NBPF26: variants seen among roughly 807,000 people sequenced by gnomAD.
NBPF26 encodes NBPF member 26, also known as NBPF family member NBPF26.
In NBPF26, 79 loss-of-function variants were observed where a neutral mutation model predicts 119.6. That is an observed-to-expected ratio of 0.66 (90% CI 0.55 to 0.80). NBPF26 has a LOEUF of 0.80. NBPF26 is among the 30% of genes least tolerant of loss of function. The pLI, the probability that NBPF26 is intolerant of heterozygous loss-of-function variation, is 0.00. For synonymous variants in NBPF26, 299 were observed against 457.7 expected (o/e 0.65, Z 4.43); for missense variants, 800 against 1,198.2 (o/e 0.67, Z 4.91).
At chr1:120,780,156 A>G (rs1346750840) in intron 2 of NBPF26, among the ~76,000 whole-genome samples, 1 of 115,110 alleles carries the variant, frequency 8.7e-6, no homozygotes, top group Non-Finnish European at 1.7e-5. Flanking sequence ...TCAGGTATTC[A>G]GGGAACCTAC....
intron 2 of NBPF26, among the ~76,000 whole-genome samples, chr1:120,765,676 C>G (rs1651182968): frequency 1.0e-5 from 1 of 98,672 alleles, no homozygotes; most frequent in African/African-American, 5.1e-5. Context: ...AGGACACATG[C>G]ACATGTGTGT....
In NBPF26 at chr1:120,805,389, C is replaced by T. The variant is rs1317255836; in HGVS notation, c.752-167C>T. 1.1e-5 allele frequency: 12 copies of T among 1,131,732 alleles called. 1 individual carries two copies. The Admixed American group carries it at 1.4e-4, about 14-fold the overall frequency. The allele number at this position is 1,131,732 out of a possible 1,614,324, so 70.1% of individuals were successfully genotyped here. On this transcript the variant is annotated intron_variant, in intron 4 of 29. Transcript: ENST00000620612. ...CTTTCAGCTCTGAGTTGAGGCACCT[C>T]GAACCTTGTTTTTGTGGTGAAGGAT...
At chr1:120,807,943 T>G (rs1176791689) in intron 6 of NBPF26, among the ~76,000 whole-genome samples, 7,472 of 119,352 alleles carry the variant, frequency 0.063, 1,868 homozygotes, top group African/African-American at 0.23. Context: ...TAATTGTTGA[T>G]GTGAAATTTA....
intron 1 of NBPF26, among the ~76,000 whole-genome samples, chr1:120,730,825 G>A (rs1340741555): frequency 2.7e-5 from 1 of 37,590 alleles, no homozygotes; most frequent in Non-Finnish European, 4.4e-5. Flanking sequence ...TGCTGTCTTA[G>A]TGGTGTATTG....
At position 120,790,791 on chromosome 1, in the gene NBPF26, C is replaced by T. The variant is rs1216316307; in HGVS notation, c.416-2370C>T. The stretch of plus-strand genomic sequence containing the variant: ...ATTTTTGTATTTTTAGAAAAGATGG[C>T]GTTTCACCATGTTGGCCAGGCTGGT... On this transcript the variant is annotated intron_variant, in intron 3 of 29. Coordinates refer to ENST00000620612, the Ensembl canonical transcript of NBPF26. 9.4e-5 allele frequency among the ~76,000 whole-genome samples: 10 copies of T among 106,164 alleles called. 2 individuals are homozygous for T. Among genetic ancestry groups the T allele is most frequent in the Admixed American group, 4.7e-4 (5 of 10,698 alleles). 69.6% of individuals were successfully genotyped at this position (106,164 alleles called of 152,430 possible).
At chr1:120,833,389 C>G (rs1387112734) in intron 23 of NBPF26, among the ~76,000 whole-genome samples, 18 of 86,464 alleles carry the variant, frequency 2.1e-4, no homozygotes, top group Non-Finnish European at 2.9e-4. Context: ...GTCTCTCTCT[C>G]TGTCTCTGTC....
In NBPF26 at chr1:120,727,872, A is replaced by G. The variant is rs1409994196; in HGVS notation, c.73+3622A>G. 5.8e-4 allele frequency among the ~76,000 whole-genome samples: 68 copies of G among 117,416 alleles called. 12 individuals are homozygous for G. The highest frequency in any genetic ancestry group is 9.6e-4 in the Non-Finnish European group (58 of 60,650). The allele number at this position is 117,416 out of a possible 152,430, so 77.0% of individuals were successfully genotyped here. ...TCTTTTCTTTCTTTGTCAGCCTACC[A>G]TATGTGTAGTATTTTGGACAGATCA... On this transcript the variant is annotated intron_variant, in intron 1 of 29. Transcript: ENST00000620612.
At position 120,784,755 on chromosome 1, in the gene NBPF26, G is replaced by A. The variant is rs1210560859; in HGVS notation, c.156-219G>A. Reference sequence around the variant, plus strand: ...CTATTAGAATGTAAACTCCAAGAGTGTAAGAATTTTTCTGCCAGGACTCAA... The same window carrying A: ...CTATTAGAATGTAAACTCCAAGAGTATAAGAATTTTTCTGCCAGGACTCAA... On this transcript the variant is annotated intron_variant, in intron 2 of 29. Transcript: ENST00000620612. 2.5e-5 allele frequency among the ~76,000 whole-genome samples: 3 copies of A among 118,242 alleles called. 1 individual carries two copies. The highest frequency in any genetic ancestry group is 4.9e-5 in the Non-Finnish European group (3 of 61,446). 77.6% of individuals were successfully genotyped at this position (118,242 alleles called of 152,430 possible).
chr1:120,813,067 G>C (rs1269794964), intron 10 of NBPF26, among the ~76,000 whole-genome samples: 1 of 119,290 alleles, frequency 8.4e-6, no homozygotes, highest in Non-Finnish European at 1.6e-5. Context: ...ACCCGAGAAT[G>C]TGTGGAGATA....
rs1553271054 is a variant in NBPF26 at position 120,811,995 on chromosome 1, C to T, written c.1674C>T (p.Arg558=). 3.0e-4 allele frequency: 380 copies of T among 1,266,652 alleles called. 133 individuals carry two copies. The African/African-American group carries it at 7.5e-3, about 25-fold the overall frequency. The allele number at this position is 1,266,652 out of a possible 1,614,324, so 78.5% of individuals were successfully genotyped here. ...TTCTAGAAATCAATGAGAAATTGCGCCCCCAGCTGGCAGAGAAGAAACAGC... is the reference window on the plus strand; with the variant it reads ...TTCTAGAAATCAATGAGAAATTGCGTCCCCAGCTGGCAGAGAAGAAACAGC... The change falls in exon 10 of 30, where the codon CGC becomes CGT. Residue 558 remains arginine (R), a synonymous_variant. Transcript: ENST00000620612.
Position 120,793,814 on chromosome 1 carries a change from A to G in NBPF26, c.751+318A>G. 7 of 954,994 alleles carry G rather than the reference A, an allele frequency of 7.3e-6. 2 individuals are homozygous for G. Among genetic ancestry groups the G allele is most frequent in the South Asian group, 5.5e-5 (4 of 72,602 alleles). 59.2% of individuals were successfully genotyped at this position (954,994 alleles called of 1,614,324 possible). On this transcript the variant is annotated intron_variant, in intron 4 of 29. Coordinates refer to ENST00000620612, the Ensembl canonical transcript of NBPF26. ...AGGCAAGTCTGGAATGGAAAAGAAC[A>G]CGATGAGAATTAGACACTGGAAAAT...
At position 120,805,287 on chromosome 1, in the gene NBPF26, T is replaced by C. The variant is rs1571032925; in HGVS notation, c.752-269T>C. ...ACACCCCCACCTTCTAATTCTGTTATTGCAACTGCAGACGGTTACCTGGCA... is the reference window on the plus strand; with the variant it reads ...ACACCCCCACCTTCTAATTCTGTTACTGCAACTGCAGACGGTTACCTGGCA... On this transcript the variant is annotated intron_variant, in intron 4 of 29. Transcript: ENST00000620612. 8.6e-6 allele frequency: 9 copies of C among 1,050,058 alleles called. 1 individual carries two copies. Among genetic ancestry groups the C allele is most frequent in the Middle Eastern group, 2.9e-4 (1 of 3,414 alleles). 65.0% of individuals were successfully genotyped at this position (1,050,058 alleles called of 1,614,324 possible). A position where few individuals can be genotyped will look rare whatever the true frequency, so the allele number is the denominator to read the frequency against.
intron 1 of NBPF26, among the ~76,000 whole-genome samples, chr1:120,730,721 T>G (rs1429090686): frequency 0.67 from 39,647 of 59,502 alleles, 16,365 homozygotes; most frequent in African/African-American, 0.72. Context: ...AGGAATTATT[T>G]TATTAATTTG....
In NBPF26 at chr1:120,723,958, G is replaced by A. The variant is rs1379616685; in HGVS notation, c.-220G>A. The A allele has an allele frequency of 3.5e-6, 3 of 846,422 alleles. No homozygotes were observed. The East Asian group carries it at 1.0e-4, about 29-fold the overall frequency. 52.4% of individuals were successfully genotyped at this position (846,422 alleles called of 1,614,324 possible). Reference sequence around the variant, plus strand: ...CGAGAAAGTTTCAGCCAAACTTCCGGCGGCGGCTGAGGCGGCGGCCGAGGA... The same window carrying A: ...CGAGAAAGTTTCAGCCAAACTTCCGACGGCGGCTGAGGCGGCGGCCGAGGA... On this transcript the variant is annotated 5_prime_UTR_variant, in exon 1 of 30. Coordinates refer to ENST00000620612, the Ensembl canonical transcript of NBPF26.
intron 1 of NBPF26, among the ~76,000 whole-genome samples, chr1:120,752,552 A>ACTTTTT (rs1651031764): frequency 1.1e-4 from 1 of 8,976 alleles, no homozygotes; most frequent in African/African-American, 6.9e-4. Context: ...ATATATATAT[A>ACTTTTT]TATTTTTTTT....
chr1:120,777,714 G>C (rs1651314520), intron 2 of NBPF26, among the ~76,000 whole-genome samples: 1 of 83,516 alleles, frequency 1.2e-5, no homozygotes, highest in Non-Finnish European at 2.1e-5. Context: ...GCAAGAAGTA[G>C]TATGACAGAG....
chr1:120,825,314 C>CTCTG (rs1385510953), intron 18 of NBPF26, among the ~76,000 whole-genome samples, 200 bp from the exon 20 acceptor site: 3 of 122,416 alleles, frequency 2.5e-5, no homozygotes, highest in African/African-American at 9.2e-5. Flanking sequence ...CTCTCTCTCT[C>CTCTG]CCTCTCCCTG....
At chr1:120,764,233 C>A (rs1156736978) in intron 2 of NBPF26, among the ~76,000 whole-genome samples, 4 of 113,758 alleles carry the variant, frequency 3.5e-5, no homozygotes, top group Non-Finnish European at 6.7e-5. Context: ...GGTGACAGAG[C>A]AAGACTCCGT....
intron 1 of NBPF26, among the ~76,000 whole-genome samples, chr1:120,762,645 GTTTC>G (rs1239451046): frequency 2.8e-5 from 1 of 35,554 alleles, no homozygotes; most frequent in East Asian, 5.7e-4. Context: ...GTTTGACTAG[GTTTC>G]TTTCTGTCTT....
Sources: gnomAD v4.1 joint callset for allele counts (sites outside exome capture counted in the v4.1 genomes callset) on GRCh38, gnomAD v4.1.1 for gene constraint, MANE v1.5 for transcripts, NCBI Gene and HGNC (gene_info 2026-07-23, HGNC 2026-07-21) for gene names.